Variants in EGFR observed in about 807,000 individuals in gnomAD.
The protein encoded by EGFR is epidermal growth factor receptor, also known as avian erythroblastic leukemia viral (v-erb-b) oncogene homolog.
In EGFR, 58 loss-of-function variants were observed where a neutral mutation model predicts 143.0. That is an observed-to-expected ratio of 0.41 (90% CI 0.33 to 0.50). EGFR has a LOEUF of 0.50. EGFR is among the 20% of genes least tolerant of loss of function. The pLI, the probability that EGFR is intolerant of heterozygous loss-of-function variation, is 0.39. For synonymous variants in EGFR, 613 were observed against 594.4 expected (o/e 1.03, Z -0.45); for missense variants, 1,307 against 1,579.0 (o/e 0.83, Z 2.92).
At chr7:55,043,886 T>C (rs1583897007) in intron 1 of EGFR, 1 of 152,240 alleles carries the variant, frequency 6.6e-6, no homozygotes, top group South Asian at 2.1e-4. Flanking sequence ...ACAGCCAGCA[T>C]GCAGGATGGC....
chr7:55,101,537 T>C (rs1393814607), intron 1 of EGFR, among the ~76,000 whole-genome samples: 1 of 152,180 alleles, frequency 6.6e-6, no homozygotes, highest in Non-Finnish European at 1.5e-5. Context: ...CCTGCATACT[T>C]CCTTTTAAGG....
intron 16 of EGFR, 32 bp downstream of exon 16, chr7:55,171,245 C>A (rs1232415022): frequency 2.5e-6 from 4 of 1,613,892 alleles, no homozygotes; most frequent in Non-Finnish European, 3.4e-6. Context: ...TCACATGGAC[C>A]TCGTCAAGAA....
chr7:55,201,885 TGA>T (rs1297498700), intron 26 of EGFR, 103 bp downstream of exon 26: 2 of 1,409,034 alleles, frequency 1.4e-6, no homozygotes, highest in Middle Eastern at 3.5e-4. Flanking sequence ...CAGATAATCT[TGA>T]GTTTTCTTCC....
At chr7:55,036,560 T>C (rs1345877968) in intron 1 of EGFR, among the ~76,000 whole-genome samples, 1 of 152,186 alleles carries the variant, frequency 6.6e-6, no homozygotes, top group Non-Finnish European at 1.5e-5. Context: ...AGCCATTTGG[T>C]AGAGAAGATA....
At chr7:55,077,641 G>A (rs9642564) in intron 1 of EGFR, among the ~76,000 whole-genome samples, 38,048 of 152,020 alleles carry the variant, frequency 0.25, 6,555 homozygotes, top group East Asian at 0.87. Context: ...ACTCAGGGTA[G>A]GGCAGCTGCT....
At chr7:55,190,947 C>T (rs1457569312) in intron 20 of EGFR, among the ~76,000 whole-genome samples, 1 of 152,126 alleles carries the variant, frequency 6.6e-6, no homozygotes, top group Non-Finnish European at 1.5e-5. Flanking sequence ...AGCAGTGACC[C>T]CAGCAGCCAG....
chr7:55,095,815 G>C (rs958723008), intron 1 of EGFR, among the ~76,000 whole-genome samples: 5 of 148,610 alleles, frequency 3.4e-5, no homozygotes, highest in Admixed American at 2.0e-4. Context: ...CACACACACA[G>C]AGAGACATAC....
chr7:55,113,875 C>G (rs955253494), intron 1 of EGFR, among the ~76,000 whole-genome samples: 1 of 152,206 alleles, frequency 6.6e-6, no homozygotes, highest in African/African-American at 2.4e-5. Context: ...CCTGCAGCAG[C>G]CCTGGAGCCT....
intron 1 of EGFR, among the ~76,000 whole-genome samples, chr7:55,121,411 A>G (rs1455896715): frequency 1.3e-5 from 2 of 152,092 alleles, no homozygotes; most frequent in Non-Finnish European, 2.9e-5. Context: ...ATTGTGTGTT[A>G]CCCTTCTTAG....
At chr7:55,132,729 C>T (rs1417475299) in intron 1 of EGFR, among the ~76,000 whole-genome samples, 1 of 152,224 alleles carries the variant, frequency 6.6e-6, no homozygotes, top group Non-Finnish European at 1.5e-5. Context: ...TGTCCTGTGA[C>T]TGTTTCATGT....
intron 1 of EGFR, among the ~76,000 whole-genome samples, chr7:55,066,085 C>T (rs935485262): frequency 6.6e-6 from 1 of 152,120 alleles, no homozygotes; most frequent in Non-Finnish European, 1.5e-5. Context: ...CTGACTGAGG[C>T]GTTCGTGGTG....
At chr7:55,067,717 A>C (rs953428582) in intron 1 of EGFR, among the ~76,000 whole-genome samples, 1 of 151,538 alleles carries the variant, frequency 6.6e-6, no homozygotes, top group African/African-American at 2.5e-5. Context: ...CAAGGTGTAG[A>C]ACATGATTTC....
intron 1 of EGFR, among the ~76,000 whole-genome samples, chr7:55,107,589 T>C (rs1792214176): frequency 6.6e-6 from 1 of 152,232 alleles, no homozygotes; most frequent in African/African-American, 2.4e-5. Context: ...TCTTCCAGCA[T>C]CTTGCATGTC....
At chr7:55,125,649 T>C (rs1793479912) in intron 1 of EGFR, among the ~76,000 whole-genome samples, 1 of 152,262 alleles carries the variant, frequency 6.6e-6, no homozygotes, top group South Asian at 2.1e-4. Flanking sequence ...TAAGAAATGA[T>C]GCGGATAAAT....
chr7:55,061,649 T>TGTGTGTGTGGGAGA (rs1432070752), intron 1 of EGFR, among the ~76,000 whole-genome samples: 1 of 132,736 alleles, frequency 7.5e-6, no homozygotes, highest in African/African-American at 3.0e-5. Flanking sequence ...TGTGTGTGTG[T>TGTGTGTGTGGGAGA]GAGAGAGAGA....
At position 55,156,959 on chromosome 7, in the gene EGFR, T is replaced by C. The variant is rs573971468; in HGVS notation, c.1207+127T>C. On this transcript the variant is annotated intron_variant, in intron 10 of 27. Coordinates refer to ENST00000275493, the MANE Select transcript of EGFR (RefSeq NM_005228.5). ...CTGAAATTTTACCGTTAATGGCTGA[T>C]GTTTTGATATTTTTCAAAAGTGCAG... The C allele has an allele frequency of 6.9e-5, 107 of 1,541,178 alleles. No homozygotes were observed. In the African/African-American group the frequency reaches 1.4e-3, roughly 20 times the overall value.
intron 1 of EGFR, among the ~76,000 whole-genome samples, chr7:55,019,568 G>T (rs1786399226): frequency 6.6e-6 from 1 of 152,058 alleles, no homozygotes; most frequent in African/African-American, 2.4e-5. Flanking sequence ...AGTCTGGGGC[G>T]GGCGGAGGAG....
intron 1 of EGFR, among the ~76,000 whole-genome samples, chr7:55,057,963 T>A (rs1788927005): frequency 6.6e-6 from 1 of 152,254 alleles, no homozygotes; most frequent in Non-Finnish European, 1.5e-5. Flanking sequence ...AGTGTTAGTT[T>A]TTGTTATTAG....
chr7:55,062,869 T>C (rs1037791611), intron 1 of EGFR, among the ~76,000 whole-genome samples: 1 of 152,150 alleles, frequency 6.6e-6, no homozygotes, highest in African/African-American at 2.4e-5. Context: ...GAGATGAATC[T>C]TACCATGTGG....
Sources: gnomAD v4.1 joint callset for allele counts (sites outside exome capture counted in the v4.1 genomes callset) on GRCh38, gnomAD v4.1.1 for gene constraint, MANE v1.5 for transcripts, NCBI Gene and HGNC (gene_info 2026-07-23, HGNC 2026-07-21) for gene names.